Variants in ADGRB3 observed in about 807,000 individuals in gnomAD.
The protein encoded by ADGRB3 is brain-specific angiogenesis inhibitor 3.
Under a neutral mutation model 193.4 loss-of-function variants are expected in ADGRB3, and 37 were observed. The ratio of observed to expected loss-of-function variants is 0.19; its 90% CI spans 0.15 to 0.25. The LOEUF (loss-of-function observed/expected upper bound fraction) is 0.25. Ranked by LOEUF, ADGRB3 falls within the 10% of genes least tolerant of loss-of-function variation. The pLI, the probability that ADGRB3 is intolerant of heterozygous loss-of-function variation, is 1.00. For missense variants in ADGRB3, 1,637 were observed against 1,852.9 expected (o/e 0.88, Z 2.14); for synonymous variants, 690 against 644.2 (o/e 1.07, Z -1.08).
chr6:69,344,748 G>A (rs1313725197), intron 26 of ADGRB3, among the ~76,000 whole-genome samples: 1 of 152,126 alleles, frequency 6.6e-6, no homozygotes, highest in Non-Finnish European at 1.5e-5. Flanking sequence ...AGCTGTTTTA[G>A]TTGGTCTTTG....
intron 17 of ADGRB3, among the ~76,000 whole-genome samples, chr6:69,211,279 G>T (rs1248774445): frequency 6.6e-6 from 1 of 152,130 alleles, no homozygotes; most frequent in Non-Finnish European, 1.5e-5. Flanking sequence ...GGCCTGAATT[G>T]GAGGTCATGC....
At chr6:69,339,594 G>T in intron 26 of ADGRB3, 90 bp downstream of exon 26, 1 of 1,409,826 alleles carries the variant, frequency 7.1e-7, no homozygotes, top group Non-Finnish European at 9.7e-7. Context: ...TTGATGTTCA[G>T]ATTAAAGCTG....
chr6:68,931,860 G>GT (rs1192303996), intron 4 of ADGRB3, among the ~76,000 whole-genome samples: 2 of 152,030 alleles, frequency 1.3e-5, no homozygotes, highest in Non-Finnish European at 2.9e-5. Flanking sequence ...TTCACTTTTA[G>GT]TTTTTTTGAG....
chr6:68,834,147 A>G (rs1768005382), intron 3 of ADGRB3, among the ~76,000 whole-genome samples: 1 of 152,092 alleles, frequency 6.6e-6, no homozygotes, highest in Non-Finnish European at 1.5e-5. Context: ...TCTAAATGGT[A>G]AACTCTTTTA....
chr6:68,892,862 T>C (rs1766118374), intron 3 of ADGRB3, among the ~76,000 whole-genome samples: 1 of 152,140 alleles, frequency 6.6e-6, no homozygotes, highest in African/African-American at 2.4e-5. Context: ...AAGATGCAAT[T>C]TGGATAGTAC....
chr6:68,745,865 C>T (rs1175024721), intron 3 of ADGRB3, among the ~76,000 whole-genome samples: 1 of 151,958 alleles, frequency 6.6e-6, no homozygotes, highest in Non-Finnish European at 1.5e-5. Flanking sequence ...CACAGCTTTC[C>T]TTCCATGTCT....
At chr6:68,875,232 C>A (rs1421018573) in intron 3 of ADGRB3, among the ~76,000 whole-genome samples, 1 of 45,910 alleles carries the variant, frequency 2.2e-5, no homozygotes, top group Non-Finnish European at 4.2e-5. Flanking sequence ...CTTCCTCTCC[C>A]CCTCCCTCTG....
chr6:69,123,961 C>T lies in ADGRB3; in HGVS notation c.2480+47923C>T, dbSNP rs148655253. Among the ~76,000 whole-genome samples, 25 of 152,258 alleles carry T rather than the reference C, an allele frequency of 1.6e-4. No homozygotes were observed. In the East Asian group the frequency reaches 3.3e-3, roughly 20 times the overall value. ...GGACTTACATAATTTGGCTTCTTTACAAATATCTCTTCCTTACATTTTCAC... is the reference window on the plus strand; with the variant it reads ...GGACTTACATAATTTGGCTTCTTTATAAATATCTCTTCCTTACATTTTCAC... On this transcript the variant is annotated intron_variant, in intron 17 of 31. Transcript: ENST00000370598.
intron 3 of ADGRB3, among the ~76,000 whole-genome samples, chr6:68,848,580 T>G (rs759804277): frequency 1.7e-4 from 26 of 152,080 alleles, no homozygotes; most frequent in Non-Finnish European, 3.5e-4. Flanking sequence ...CTCTTCTTTC[T>G]CAGACCAATC....
At chr6:69,153,142 T>A (rs1229485311) in intron 17 of ADGRB3, among the ~76,000 whole-genome samples, 1 of 151,980 alleles carries the variant, frequency 6.6e-6, no homozygotes. Context: ...TGCAAAACAA[T>A]TGGATTTTTA....
Position 68,974,868 on chromosome 6 carries a change from C to T in ADGRB3, c.1627+4C>T, listed in dbSNP as rs1768696476. On this transcript the variant is annotated splice_donor_region_variant and intron_variant, in intron 9 of 31. Transcript: ENST00000370598. Reference sequence around the variant, plus strand: ...CAATGTCCCCTGAATGCCACAGGTACAGTAGGATGACCCACCCAAACCCTA... The same window carrying T: ...CAATGTCCCCTGAATGCCACAGGTATAGTAGGATGACCCACCCAAACCCTA... The T allele has an allele frequency of 6.2e-7, 1 of 1,612,088 alleles. No homozygotes were observed. The highest frequency in any genetic ancestry group is 8.5e-7 in the Non-Finnish European group (1 of 1,178,394).
intron 17 of ADGRB3, among the ~76,000 whole-genome samples, chr6:69,168,902 C>T (rs1473686654): frequency 6.6e-6 from 1 of 151,900 alleles, no homozygotes; most frequent in Admixed American, 6.6e-5. Context: ...TAAAAGTAAA[C>T]ATCTCATAAA....
intron 8 of ADGRB3, among the ~76,000 whole-genome samples, chr6:68,964,659 A>G: frequency 6.6e-6 from 1 of 152,180 alleles, no homozygotes; most frequent in East Asian, 1.9e-4. Context: ...TAATTTTTTA[A>G]TTAACTTTGT....
intron 3 of ADGRB3, among the ~76,000 whole-genome samples, chr6:68,779,550 A>C (rs1050365185): frequency 6.6e-6 from 1 of 152,074 alleles, no homozygotes; most frequent in African/African-American, 2.4e-5. Flanking sequence ...TGGCATATCA[A>C]ATCATCAGTG....
intron 10 of ADGRB3, among the ~76,000 whole-genome samples, chr6:68,984,127 T>C (rs1014981599): frequency 6.6e-6 from 1 of 152,110 alleles, no homozygotes; most frequent in African/African-American, 2.4e-5. Context: ...TTGGATTTAA[T>C]ACTAAGTGCA....
intron 10 of ADGRB3, among the ~76,000 whole-genome samples, chr6:68,981,837 C>G (rs1035754614): frequency 6.9e-6 from 1 of 145,046 alleles, no homozygotes; most frequent in African/African-American, 2.5e-5. Context: ...ATGGACAATA[C>G]CTATTTTGTT....
At chr6:68,892,578 C>T (rs1405228212) in intron 3 of ADGRB3, among the ~76,000 whole-genome samples, 7 of 152,116 alleles carry the variant, frequency 4.6e-5, no homozygotes, top group Non-Finnish European at 2.9e-5. Flanking sequence ...GCCTCCACCA[C>T]TGGATTGTAA....
At chr6:69,084,027 G>A (rs917832780) in intron 17 of ADGRB3, among the ~76,000 whole-genome samples, 3 of 151,954 alleles carry the variant, frequency 2.0e-5, no homozygotes, top group East Asian at 1.9e-4. Context: ...CACCCACCTC[G>A]GCCTCCCAAA....
At chr6:68,936,090 G>A (rs768761540) in intron 4 of ADGRB3, among the ~76,000 whole-genome samples, 1 of 152,156 alleles carries the variant, frequency 6.6e-6, no homozygotes, top group Non-Finnish European at 1.5e-5. Flanking sequence ...AGGGTGTTAT[G>A]CAATAAAGGA....
Sources: allele counts gnomAD v4.1 joint callset (sites outside exome capture counted in the v4.1 genomes callset), GRCh38; gene constraint gnomAD v4.1.1; transcripts MANE v1.5; gene names NCBI Gene and HGNC (gene_info 2026-07-23, HGNC 2026-07-21).